The following GRM3 variants were observed in gnomAD, a reference collection of about 807,000 sequenced individuals.
GRM3 encodes the protein glutamate metabotropic receptor 3, also known as metabotropic glutamate receptor 3.
Under a neutral mutation model 70.5 loss-of-function variants are expected in GRM3, and 26 were observed. The ratio of observed to expected loss-of-function variants is 0.37; its 90% CI spans 0.27 to 0.51. GRM3 has a LOEUF of 0.51. Among genes scored for constraint, GRM3 ranks in the 20% least tolerant of loss-of-function variants. The pLI is 0.93. For missense variants in GRM3, 859 were observed against 1,123.8 expected, an observed-to-expected ratio of 0.76 and a Z score of 3.37; for synonymous variants, 443 against 434.9, an observed-to-expected ratio of 1.02 and a Z score of -0.23.
At chr7:86,852,513 T>C (rs563108473) in intron 5 of GRM3, among the ~76,000 whole-genome samples, 2 of 152,274 alleles carry the variant, frequency 1.3e-5, no homozygotes, top group South Asian at 4.1e-4. Context: ...TATTATTCAG[T>C]ATGCTAATCT....
intron 1 of GRM3, among the ~76,000 whole-genome samples, chr7:86,693,341 A>T (rs7803445): frequency 0.02 from 2,984 of 152,332 alleles, 50 homozygotes; most frequent in Non-Finnish European, 0.031. Flanking sequence ...TTAGAAGCCC[A>T]TGCTCTAATA....
At chr7:86,764,566 G>A (rs988300544) in intron 1 of GRM3, among the ~76,000 whole-genome samples, 1 of 152,030 alleles carries the variant, frequency 6.6e-6, no homozygotes, top group Non-Finnish European at 1.5e-5. Flanking sequence ...TAAATGGAAA[G>A]GGTAAGAGTC....
rs28459293 is a variant in GRM3 at position 86,811,145 on chromosome 7, G to T, written c.1324+24029G>T. 4.0e-3 allele frequency among the ~76,000 whole-genome samples: 611 copies of T among 152,002 alleles called. 5 individuals are homozygous for T. The highest frequency in any genetic ancestry group is 0.014 in the African/African-American group (585 of 41,514). ...AGCAGGAACTGAAAGCAACTCATGT[G>T]AACCATAAATTTTTGTTTACAGCAC... On this transcript the variant is annotated intron_variant, in intron 3 of 5. Transcript: ENST00000361669.
At chr7:86,794,971 T>C (rs1797513031) in intron 3 of GRM3, among the ~76,000 whole-genome samples, 1 of 152,044 alleles carries the variant, frequency 6.6e-6, no homozygotes, top group Non-Finnish European at 1.5e-5. Context: ...CAAAATCATA[T>C]TCATACACAC....
chr7:86,824,588 T>C (rs1018070431), intron 3 of GRM3, among the ~76,000 whole-genome samples: 1 of 152,098 alleles, frequency 6.6e-6, no homozygotes, highest in Non-Finnish European at 1.5e-5. Flanking sequence ...AAAAAGAAAG[T>C]GGAAGAGCCT....
chr7:86,776,740 T>A (rs929124732), intron 2 of GRM3, among the ~76,000 whole-genome samples: 5 of 152,176 alleles, frequency 3.3e-5, no homozygotes, highest in Admixed American at 1.3e-4. Context: ...AGAGACATTG[T>A]CAAAAATCAA....
intron 3 of GRM3, among the ~76,000 whole-genome samples, chr7:86,798,608 T>G (rs1797611511): frequency 6.6e-6 from 1 of 152,224 alleles, no homozygotes; most frequent in Non-Finnish European, 1.5e-5. Context: ...ACTTGCCTTG[T>G]CTCAGATGAG....
chr7:86,828,275 G>A lies in GRM3; in HGVS notation c.1325-10564G>A, dbSNP rs369151870. ...ACCAAAAAAATCACAACGAGATACCGGTACATTTTCACTCAAATATCTAAA... is the reference window on the plus strand; with the variant it reads ...ACCAAAAAAATCACAACGAGATACCAGTACATTTTCACTCAAATATCTAAA... On this transcript the variant is annotated intron_variant, in intron 3 of 5. Transcript: ENST00000361669. 1.3e-4 allele frequency among the ~76,000 whole-genome samples: 20 copies of A among 151,944 alleles called. No homozygotes were observed. In the East Asian group the frequency reaches 2.7e-3, roughly 21 times the overall value.
chr7:86,767,508 A>G (rs915600246), intron 2 of GRM3, among the ~76,000 whole-genome samples: 1 of 125,098 alleles, frequency 8.0e-6, no homozygotes, highest in African/African-American at 2.8e-5. Context: ...AGTATCGGTC[A>G]TACTTCATAT....
At chr7:86,740,908 C>A (rs772158985) in intron 1 of GRM3, among the ~76,000 whole-genome samples, 1 of 152,098 alleles carries the variant, frequency 6.6e-6, no homozygotes, top group African/African-American at 2.4e-5. Flanking sequence ...TTGTGGAGCA[C>A]GTCCGCTGAA....
intron 1 of GRM3, among the ~76,000 whole-genome samples, chr7:86,645,892 G>A (rs556200945): frequency 1.3e-5 from 2 of 151,116 alleles, no homozygotes; most frequent in African/African-American, 4.9e-5. Flanking sequence ...AGGTAGGTGT[G>A]AGTTAAGTAC....
chr7:86,659,303 T>C (rs1410837071), intron 1 of GRM3, among the ~76,000 whole-genome samples: 1 of 152,198 alleles, frequency 6.6e-6, no homozygotes, highest in East Asian at 1.9e-4. Context: ...ATAACAATAA[T>C]TTTTATTGAA....
At chr7:86,793,833 C>T (rs1401993659) in intron 3 of GRM3, among the ~76,000 whole-genome samples, 1 of 151,882 alleles carries the variant, frequency 6.6e-6, no homozygotes, top group African/African-American at 2.4e-5. Flanking sequence ...TTATTATTGT[C>T]ATTATTATTT....
chr7:86,817,087 G>A (rs181998665), intron 3 of GRM3, among the ~76,000 whole-genome samples: 15 of 152,006 alleles, frequency 9.9e-5, no homozygotes, highest in Non-Finnish European at 1.2e-4. Flanking sequence ...TATTTTCTCC[G>A]ATTTGGGAAT....
intron 2 of GRM3, 114 bp downstream of exon 2, chr7:86,765,727 A>G (rs1584224977): frequency 1.2e-6 from 1 of 826,930 alleles, no homozygotes; most frequent in East Asian, 2.7e-5. Flanking sequence ...CAACAATGCA[A>G]TTATTAATTT....
chr7:86,763,465 C>T (rs1796528929), intron 1 of GRM3, among the ~76,000 whole-genome samples: 1 of 152,142 alleles, frequency 6.6e-6, no homozygotes, highest in South Asian at 2.1e-4. Flanking sequence ...AAGAATTCAA[C>T]AGCAGGTACA....
At chr7:86,765,698 C>A (rs55986408) in intron 2 of GRM3, 85 bp downstream of exon 2, 1 of 1,042,578 alleles carries the variant, frequency 9.6e-7, no homozygotes, top group South Asian at 1.6e-5. Context: ...ATCATAATAA[C>A]GTCATCAACG....
chr7:86,721,092 C>T (rs1347728643), intron 1 of GRM3, among the ~76,000 whole-genome samples: 1 of 152,046 alleles, frequency 6.6e-6, no homozygotes, highest in East Asian at 1.9e-4. Context: ...GGGCCGCTAA[C>T]ACACACCTTG....
chr7:86,699,625 A>T (rs576548345), intron 1 of GRM3, among the ~76,000 whole-genome samples: 67 of 152,112 alleles, frequency 4.4e-4, no homozygotes, highest in Non-Finnish European at 7.7e-4. Flanking sequence ...AACATGTCTT[A>T]TTTATTCAAT....
Sources: gnomAD v4.1 joint callset for allele counts (sites outside exome capture counted in the v4.1 genomes callset) on GRCh38, gnomAD v4.1.1 for gene constraint, MANE v1.5 for transcripts, NCBI Gene and HGNC (gene_info 2026-07-23, HGNC 2026-07-21) for gene names.